The following TRAM2 variants were observed in gnomAD, a reference collection of about 807,000 sequenced individuals.
TRAM2 encodes translocating chain-associated membrane protein 2.
A neutral mutation model predicts 51.0 loss-of-function variants in TRAM2; 12 were observed. The ratio of observed to expected loss-of-function variants is 0.24; its 90% CI spans 0.15 to 0.38. The LOEUF (loss-of-function observed/expected upper bound fraction) is 0.38. TRAM2 is among the 10% of genes least tolerant of loss of function. The probability of loss-of-function intolerance (pLI) is 1.00; values close to 1 mark genes in which losing one functional copy is unlikely to be tolerated. For missense variants in TRAM2, 361 were observed against 462.0 expected, an observed-to-expected ratio of 0.78 and a Z score of 2.00; for synonymous variants, 175 against 179.4, an observed-to-expected ratio of 0.98 and a Z score of 0.20.
At chr6:52,509,478 G>T in intron 5 of TRAM2, 50 bp downstream of exon 5, 2 of 1,580,740 alleles carry the variant, frequency 1.3e-6, no homozygotes, top group South Asian at 1.1e-5. Flanking sequence ...GGACAGGAAG[G>T]CAGTGGGCCC....
chr6:52,566,163 G>C (rs115939482), intron 1 of TRAM2, among the ~76,000 whole-genome samples: 1 of 152,136 alleles, frequency 6.6e-6, no homozygotes. Flanking sequence ...TGATATGCAC[G>C]TTCAGGAGCA....
intron 1 of TRAM2, among the ~76,000 whole-genome samples, chr6:52,552,018 C>A (rs561004897): frequency 6.6e-6 from 1 of 152,394 alleles, no homozygotes; most frequent in South Asian, 2.1e-4. Flanking sequence ...CGTGATCAGA[C>A]AACACGGACA....
chr6:52,541,540 T>C (rs528826151), intron 1 of TRAM2, among the ~76,000 whole-genome samples: 55 of 152,280 alleles, frequency 3.6e-4, no homozygotes, highest in Admixed American at 6.5e-5. Context: ...AAGTTTAAAA[T>C]ATATTGTTGC....
chr6:52,574,534 C>T (rs532991995), intron 1 of TRAM2, among the ~76,000 whole-genome samples: 23 of 152,338 alleles, frequency 1.5e-4, no homozygotes, highest in African/African-American at 4.8e-4. Flanking sequence ...GAAGGAGACA[C>T]CTGCCCTGTA....
chr6:52,536,569 G>A (rs891819066), intron 1 of TRAM2, among the ~76,000 whole-genome samples: 1 of 152,134 alleles, frequency 6.6e-6, no homozygotes, highest in Non-Finnish European at 1.5e-5. Flanking sequence ...GACTACCTGG[G>A]TTCAAATGCC....
intron 2 of TRAM2, among the ~76,000 whole-genome samples, chr6:52,525,514 T>A (rs926729264): frequency 3.4e-4 from 52 of 152,088 alleles, no homozygotes; most frequent in African/African-American, 1.3e-3. Context: ...TGTACCTCCA[T>A]TAAAAAATAT....
At chr6:52,507,728 C>T in intron 6 of TRAM2, 105 bp from the exon 7 acceptor site, 1 of 1,070,186 alleles carries the variant, frequency 9.3e-7, no homozygotes, top group East Asian at 2.4e-5. Context: ...CTCCTCTGGG[C>T]TGCTTTAACA....
intron 9 of TRAM2, 51 bp downstream of exon 9, chr6:52,505,548 C>T: frequency 6.5e-7 from 1 of 1,545,912 alleles, no homozygotes; most frequent in Non-Finnish European, 8.8e-7. Flanking sequence ...AGGGCTGTGC[C>T]AAGTTCAGGA....
At chr6:52,536,167 G>A (rs1487539956) in intron 1 of TRAM2, among the ~76,000 whole-genome samples, 1 of 152,184 alleles carries the variant, frequency 6.6e-6, no homozygotes, top group East Asian at 1.9e-4. Context: ...ATATTTATCA[G>A]TTTAGTTCTG....
chr6:52,515,383 A>G (rs1766528781), intron 4 of TRAM2, among the ~76,000 whole-genome samples: 1 of 152,218 alleles, frequency 6.6e-6, no homozygotes, highest in Non-Finnish European at 1.5e-5. Context: ...TTGAAATAAG[A>G]GTCTGTTTAC....
At chr6:52,572,388 G>C (rs1767695346) in intron 1 of TRAM2, among the ~76,000 whole-genome samples, 1 of 152,228 alleles carries the variant, frequency 6.6e-6, no homozygotes, top group Admixed American at 6.5e-5. Flanking sequence ...CGGATCACCT[G>C]AAGTCAGGAG....
chr6:52,510,796 G>A (rs1156801206), intron 4 of TRAM2, among the ~76,000 whole-genome samples: 1 of 152,196 alleles, frequency 6.6e-6, no homozygotes, highest in Admixed American at 6.5e-5. Context: ...TGATACCCTG[G>A]GGACATACCC....
chr6:52,507,614 G>A lies in TRAM2; in HGVS notation c.565C>T (p.Pro189Ser). The stretch of plus-strand genomic sequence containing the variant: ...AGGCAAATATACTGGAGCTGGCGGG[G>A]AATTTCCTCCTGGAAACAAGAGAAG... Reference protein sequence around the residue: ...YFQKVRKEEIPRQLQYICLYL... With the variant: ...YFQKVRKEEISRQLQYICLYL... Residue 189 changes from proline (P) to serine (S), a missense_variant, in exon 7 of 11, where the codon CCC (proline) becomes TCC (serine). Pro to Ser is a moderately conservative substitution (Grantham distance 74, BLOSUM62 -1). Transcript: ENST00000182527. 6.2e-7 allele frequency: 1 copy of A among 1,614,096 alleles called. No homozygotes were observed. The highest frequency in any genetic ancestry group is 1.3e-5 in the African/African-American group (1 of 75,036).
At chr6:52,519,317 C>G (rs2114073112) in intron 2 of TRAM2, among the ~76,000 whole-genome samples, 1 of 152,304 alleles carries the variant, frequency 6.6e-6, no homozygotes, top group South Asian at 2.1e-4. Context: ...GGACAAAGTT[C>G]TTGAAGAGAC....
chr6:52,562,618 G>A (rs1767519668), intron 1 of TRAM2, among the ~76,000 whole-genome samples: 1 of 152,122 alleles, frequency 6.6e-6, no homozygotes, highest in South Asian at 2.1e-4. Context: ...GTGCAGTTTT[G>A]TTACATAGGT....
At chr6:52,554,587 G>A (rs1767370314) in intron 1 of TRAM2, among the ~76,000 whole-genome samples, 1 of 151,068 alleles carries the variant, frequency 6.6e-6, no homozygotes. Context: ...CCCAAAAGCT[G>A]ACTGGGTAAC....
chr6:52,543,150 TAATA>T (rs3062726), intron 1 of TRAM2, among the ~76,000 whole-genome samples: 12,444 of 152,222 alleles, frequency 0.082, 977 homozygotes, highest in Admixed American at 0.25. Context: ...TTGAGAGCCT[TAATA>T]TATATATTCT....
intron 2 of TRAM2, chr6:52,523,135 G>T: frequency 2.4e-6 from 1 of 413,480 alleles, no homozygotes; most frequent in Admixed American, 4.1e-5. Context: ...TGCAAATCTG[G>T]ATTTGTAAAA....
intron 2 of TRAM2, among the ~76,000 whole-genome samples, chr6:52,528,886 CTTTTT>C (rs144917424): frequency 7.0e-5 from 9 of 128,520 alleles, no homozygotes; most frequent in African/African-American, 8.8e-5. Context: ...GTGTACATGA[CTTTTT>C]TTTTTTTTTT....
Sources: gnomAD v4.1 joint callset for allele counts (sites outside exome capture counted in the v4.1 genomes callset) on GRCh38, gnomAD v4.1.1 for gene constraint, MANE v1.5 for transcripts, NCBI Gene and HGNC (gene_info 2026-07-23, HGNC 2026-07-21) for gene names.